Variants in RRM1 observed in about 807,000 individuals in gnomAD.
The protein encoded by RRM1 is ribonucleoside-diphosphate reductase large subunit.
In RRM1, 19 loss-of-function variants were observed where a neutral mutation model predicts 101.5. That is an observed-to-expected ratio of 0.19 (90% CI 0.13 to 0.27). The LOEUF (loss-of-function observed/expected upper bound fraction) is 0.27. Among genes scored for constraint, RRM1 ranks in the 10% least tolerant of loss-of-function variants. RRM1 has a pLI of 1.00. For synonymous variants in RRM1, 298 were observed against 323.4 expected, an observed-to-expected ratio of 0.92 and a Z score of 0.84; for missense variants, 500 against 962.9, an observed-to-expected ratio of 0.52 and a Z score of 6.36.
intron 9 of RRM1, among the ~76,000 whole-genome samples, chr11:4,121,159 C>G (rs2094581277): frequency 6.6e-6 from 1 of 152,220 alleles, no homozygotes; most frequent in Non-Finnish European, 1.5e-5. Context: ...TGTAGGCACA[C>G]TAATCGCTTG....
At chr11:4,125,255 C>T (rs1339871738) in intron 12 of RRM1, among the ~76,000 whole-genome samples, 1 of 152,008 alleles carries the variant, frequency 6.6e-6, no homozygotes, top group African/African-American at 2.4e-5. Context: ...ACCCTTTATC[C>T]ATTAGCAGTC....
At chr11:4,138,158 GAGTT>G in intron 18 of RRM1, 33 bp from the exon 19 acceptor site, 1 of 1,225,214 alleles carries the variant, frequency 8.2e-7, no homozygotes. Flanking sequence ...TATTCTCACA[GAGTT>G]TCTCCTAATA....
Position 4,121,598 on chromosome 11 carries a change from C to T in RRM1, c.877-6C>T, listed in dbSNP as rs2094582011. Reference sequence around the variant, plus strand: ...CTGAAGAGAATTATGATTTATTTACCACTAGCGTCCTGGGGCATTTGCTAT... The same window carrying T: ...CTGAAGAGAATTATGATTTATTTACTACTAGCGTCCTGGGGCATTTGCTAT... On this transcript the variant is annotated splice_region_variant and splice_polypyrimidine_tract_variant and intron_variant, in intron 9 of 18. Coordinates refer to ENST00000300738, the MANE Select transcript of RRM1 (RefSeq NM_001033.5). The T allele has an allele frequency of 6.3e-7, 1 of 1,597,672 alleles. No individual in the cohort carries two copies. Among genetic ancestry groups the T allele is most frequent in the Non-Finnish European group, 8.5e-7 (1 of 1,172,786 alleles).
rs144531161 is a variant in RRM1, at chr11:4,108,854, T to C, written c.388-790T>C. On this transcript the variant is annotated intron_variant, in intron 4 of 18. Coordinates refer to ENST00000300738, the MANE Select transcript of RRM1 (RefSeq NM_001033.5). ...CTGCCTTTGGCAACAAAGATGACCT[T>C]AAAATTTTAAGAGAAAAGGAAAGCA... Among the ~76,000 whole-genome samples the C allele has an allele frequency of 1.4e-4, 22 of 152,252 alleles. No individual in the cohort carries two copies. The East Asian group carries it at 4.0e-3, about 28-fold the overall frequency.
rs1162973534 is a variant in RRM1, at chr11:4,138,393, TG to T, written c.*12del. On this transcript the variant is annotated 3_prime_UTR_variant, in exon 19 of 19. Coordinates refer to ENST00000300738, the MANE Select transcript of RRM1 (RefSeq NM_001033.5). Reference sequence around the variant, plus strand: ...GATGTGTGGATCCTGAGGAAAGACTTGGAAGAGACCAGCATGTCTTCAGTAG... The same window carrying T: ...GATGTGTGGATCCTGAGGAAAGACTTGAAGAGACCAGCATGTCTTCAGTAG... 1.3e-6 allele frequency: 2 copies of T among 1,590,740 alleles called. No homozygotes were observed. Among genetic ancestry groups the T allele is most frequent in the Non-Finnish European group, 1.7e-6 (2 of 1,169,012 alleles).
chr11:4,103,896 T>TGG (rs367810734), intron 2 of RRM1, among the ~76,000 whole-genome samples: 18 of 139,024 alleles, frequency 1.3e-4, no homozygotes, highest in African/African-American at 4.4e-4. Flanking sequence ...CCCAAAGTGC[T>TGG]GGGATTACAG....
At position 4,122,209 on chromosome 11, in the gene RRM1, A is replaced by C; in HGVS notation, c.1107A>C (p.Lys369Asn). 7.5e-6 allele frequency: 12 copies of C among 1,609,024 alleles called. 1 individual carries two copies. The highest frequency in any genetic ancestry group is 1.0e-5 in the Non-Finnish European group (12 of 1,175,534). The change falls in exon 11 of 19, where the codon AAA becomes AAC. Residue 369 changes from lysine (K) to asparagine (N), a missense_variant. This residue lies in a region of RRM1 where 80 missense variants were observed against 170.9 expected (regional missense o/e 0.47). Coordinates refer to ENST00000300738, the MANE Select transcript of RRM1 (RefSeq NM_001033.5). ...AGGTTTGGGGAGAGGAATTTGAGAA[A>C]CTATATGCAAGGTATGGGAAAAATA... ...LDEVWGEEFE[K>N]LYASYEKQGR...
intron 15 of RRM1, among the ~76,000 whole-genome samples, chr11:4,130,080 ATATATATTT>A (rs1239614430): frequency 2.1e-5 from 2 of 96,392 alleles, no homozygotes; most frequent in East Asian, 6.6e-4. Flanking sequence ...ATATATATAT[ATATATATTT>A]TTTTTTTTTT....
intron 18 of RRM1, 119 bp from the exon 19 acceptor site, chr11:4,138,063 CGGGCGGGGGCTGA>C (rs2094616696): frequency 1.5e-5 from 1 of 67,800 alleles, no homozygotes; most frequent in African/African-American, 1.0e-4. Context: ...GGTGGCTGGC[CGGGCGGGGGCTGA>C]CCCCCCCACC....
chr11:4,132,535 T>C lies in RRM1; in HGVS notation c.1905+114T>C. 1 of 996,214 alleles carries C rather than the reference T, an allele frequency of 1.0e-6. No homozygotes were observed. The highest frequency in any genetic ancestry group is 1.5e-5 in the South Asian group (1 of 64,902). The allele number at this position is 996,214 out of a possible 1,614,324, so 61.7% of individuals were successfully genotyped here. A position where few individuals can be genotyped will look rare whatever the true frequency, so the allele number is the denominator to read the frequency against. On this transcript the variant is annotated intron_variant, in intron 16 of 18. Coordinates refer to ENST00000300738, the MANE Select transcript of RRM1 (RefSeq NM_001033.5). The surrounding 1 kb of genome is among the most constrained non-coding windows in gnomAD (Gnocchi z 4.1). ...TTCTTAGTTTGGGTGCAAACTTTGA[T>C]AAAGACAGTCATCTTCATCTCTAAT...
intron 2 of RRM1, among the ~76,000 whole-genome samples, chr11:4,103,543 C>T (rs929254794): frequency 1.8e-4 from 27 of 152,154 alleles, no homozygotes; most frequent in African/African-American, 6.5e-4. Context: ...CCTCAAACTT[C>T]CTAGGGTAGA....
At chr11:4,136,516 G>A (rs1192417820) in intron 18 of RRM1, among the ~76,000 whole-genome samples, 2 of 151,804 alleles carry the variant, frequency 1.3e-5, no homozygotes, top group Non-Finnish European at 2.9e-5. Context: ...CACTGTGCCT[G>A]GCCAGGAATG....
In RRM1 at chr11:4,123,303, A is replaced by G. The variant is rs547444018; in HGVS notation, c.1239A>G (p.Arg413=). 32 of 1,614,158 alleles carry G rather than the reference A, an allele frequency of 2.0e-5. No individual in the cohort carries two copies. The highest frequency in any genetic ancestry group is 1.6e-4 in the African/African-American group (12 of 75,038). Residue 413 remains arginine (R), a synonymous_variant, in exon 12 of 19, where the codon CGA becomes CGG. Coordinates refer to ENST00000300738, the MANE Select transcript of RRM1 (RefSeq NM_001033.5). ...PYMLYKDSCN[R]KSNQQNLGTI... ...TGCTCTACAAAGATTCCTGTAATCG[A>G]AAGAGCAACCAGCAGAACCTGGGAA...
At chr11:4,103,476 A>G (rs2094554340) in intron 2 of RRM1, among the ~76,000 whole-genome samples, 1 of 151,930 alleles carries the variant, frequency 6.6e-6, no homozygotes, top group African/African-American at 2.4e-5. Context: ...CTTGACTCCT[A>G]CATGTTCTAT....
chr11:4,133,352 T>C (rs1292717488), intron 16 of RRM1, among the ~76,000 whole-genome samples: 1 of 152,098 alleles, frequency 6.6e-6, no homozygotes, highest in Non-Finnish European at 1.5e-5. Flanking sequence ...GCTAATTATA[T>C]TGTTTCTTGA....
chr11:4,105,863 CT>C (rs1281771559), intron 2 of RRM1, among the ~76,000 whole-genome samples, 182 bp from the exon 3 acceptor site: 16 of 147,356 alleles, frequency 1.1e-4, no homozygotes, highest in South Asian at 4.3e-4. Context: ...CAACGCCTGG[CT>C]TTTTTTTTTA....
intron 1 of RRM1, among the ~76,000 whole-genome samples, chr11:4,099,712 G>C (rs544017588): frequency 6.6e-6 from 1 of 152,262 alleles, no homozygotes; most frequent in East Asian, 1.9e-4. Context: ...TGTAGGCAGT[G>C]AGAAGCAGGG....
Position 4,138,691 on chromosome 11 carries a change from C to T in RRM1, c.*308C>T. On this transcript the variant is annotated 3_prime_UTR_variant, in exon 19 of 19. Coordinates refer to ENST00000300738, the MANE Select transcript of RRM1 (RefSeq NM_001033.5). Reference sequence around the variant, plus strand: ...TACAGGGAGTGGTTAAGTAAGGTTTCATCACCCCTTTAGCACTGCTTTTCT... The same window carrying T: ...TACAGGGAGTGGTTAAGTAAGGTTTTATCACCCCTTTAGCACTGCTTTTCT... 3 of 252,130 alleles carry T rather than the reference C, an allele frequency of 1.2e-5. No homozygotes were observed. The highest frequency in any genetic ancestry group is 2.3e-5 in the Non-Finnish European group (3 of 132,056). 15.6% of individuals were successfully genotyped at this position (252,130 alleles called of 1,614,324 possible).
At position 4,127,016 on chromosome 11, in the gene RRM1, A is replaced by G; in HGVS notation, c.1471-19A>G. ...TCAGTAATGTTTTCTCCTTTTCTTT[A>G]AAATCTGTTGACACAAAGGCATGCC... On this transcript the variant is annotated intron_variant, in intron 13 of 18. Transcript: ENST00000300738. The G allele has an allele frequency of 6.3e-7, 1 of 1,588,232 alleles. No individual in the cohort carries two copies. The highest frequency in any genetic ancestry group is 8.6e-7 in the Non-Finnish European group (1 of 1,168,780).
Sources: gnomAD v4.1 joint callset for allele counts (sites outside exome capture counted in the v4.1 genomes callset) on GRCh38, gnomAD v4.1.1 for gene constraint, gnomAD v4.1.1 regional missense constraint, Gnocchi (gnomAD v3.1) non-coding constraint, MANE v1.5 for transcripts, NCBI Gene and HGNC (gene_info 2026-07-23, HGNC 2026-07-21) for gene names.